MACROD2: variants seen among roughly 807,000 people sequenced by gnomAD.
The protein encoded by MACROD2 is ADP-ribose glycohydrolase MACROD2.
MACROD2 carries 36 observed loss-of-function variants against 70.4 expected under a neutral mutation model. The observed-to-expected ratio is 0.51, with a 90% CI of 0.39 to 0.68. The LOEUF (loss-of-function observed/expected upper bound fraction) is 0.68, where lower values mean the gene tolerates loss of function less well. MACROD2 is among the 30% of genes least tolerant of loss of function. MACROD2 has a pLI of 0.00. For synonymous variants in MACROD2, 172 were observed against 178.8 expected, an observed-to-expected ratio of 0.96 and a Z score of 0.30; for missense variants, 496 against 538.4, an observed-to-expected ratio of 0.92 and a Z score of 0.78.
At position 15,452,853 on chromosome 20, in the gene MACROD2, A is replaced by G. The variant is rs576829102; in HGVS notation, c.571+21418A>G. 2.6e-5 allele frequency among the ~76,000 whole-genome samples: 4 copies of G among 152,328 alleles called. No homozygotes were observed. In the South Asian group the frequency reaches 6.2e-4, roughly 24 times the overall value. ...TCTCCCAGACAACTGAGTATAAAGA[A>G]GTATAATTAAAATGTTGGCTTTCAT... On this transcript the variant is annotated intron_variant, in intron 7 of 17. Transcript: ENST00000684519.
At chr20:15,846,225 G>A (rs2064229345) in intron 8 of MACROD2, among the ~76,000 whole-genome samples, 1 of 152,184 alleles carries the variant, frequency 6.6e-6, no homozygotes, top group South Asian at 2.1e-4. Flanking sequence ...TATCCTCCAT[G>A]AACTGGAGTG....
chr20:14,371,647 A>G (rs985144746), intron 3 of MACROD2, among the ~76,000 whole-genome samples: 3 of 152,166 alleles, frequency 2.0e-5, no homozygotes, highest in African/African-American at 4.8e-5. Flanking sequence ...AGCATTTACT[A>G]TATTAAAATT....
intron 3 of MACROD2, among the ~76,000 whole-genome samples, chr20:14,252,006 G>A (rs1348821465): frequency 6.6e-6 from 1 of 151,974 alleles, no homozygotes; most frequent in Admixed American, 6.6e-5. Context: ...AATAATATCT[G>A]TAAATAAAAG....
chr20:14,478,759 G>T (rs2084627387), intron 3 of MACROD2, among the ~76,000 whole-genome samples: 1 of 152,130 alleles, frequency 6.6e-6, no homozygotes, highest in Non-Finnish European at 1.5e-5. Flanking sequence ...TAGTAACTCT[G>T]TTAGGTTTAC....
intron 5 of MACROD2, among the ~76,000 whole-genome samples, chr20:15,166,865 T>TATTAAATTTAATAAAATATTAAATTATTA (rs1601166764): frequency 6.6e-6 from 1 of 151,124 alleles, no homozygotes; most frequent in East Asian, 1.9e-4. Flanking sequence ...TTATTAAATT[T>TATTAAATTTAATAAAATATTAAATTATTA]AAGTATTAAC....
chr20:14,092,243 T>A (rs901696203), intron 3 of MACROD2, among the ~76,000 whole-genome samples: 1 of 152,220 alleles, frequency 6.6e-6, no homozygotes, highest in Admixed American at 6.5e-5. Context: ...TTAATTTGTG[T>A]TTCCCCAAAG....
intron 5 of MACROD2, among the ~76,000 whole-genome samples, chr20:14,985,207 A>G (rs2074837824): frequency 6.6e-6 from 1 of 152,160 alleles, no homozygotes; most frequent in Non-Finnish European, 1.5e-5. Flanking sequence ...ATGACACTTC[A>G]CTCAATTGCA....
intron 2 of MACROD2, among the ~76,000 whole-genome samples, chr20:14,013,319 C>T (rs1438004270): frequency 6.8e-6 from 1 of 148,140 alleles, no homozygotes; most frequent in African/African-American, 2.5e-5. Flanking sequence ...GTCGCCCAGG[C>T]TGGAGTGCAG....
intron 5 of MACROD2, among the ~76,000 whole-genome samples, chr20:14,869,737 CT>C (rs2073467018): frequency 6.6e-6 from 1 of 152,114 alleles, no homozygotes; most frequent in Non-Finnish European, 1.5e-5. Flanking sequence ...AAAGTAGTAT[CT>C]GCCATTTGCA....
At chr20:14,908,478 T>C (rs1043613449) in intron 5 of MACROD2, among the ~76,000 whole-genome samples, 3 of 152,052 alleles carry the variant, frequency 2.0e-5, no homozygotes, top group Admixed American at 2.0e-4. Flanking sequence ...AACGTGACAA[T>C]TCCCTGTCTC....
chr20:14,699,411 A>G (rs1045421142), intron 5 of MACROD2, among the ~76,000 whole-genome samples: 2 of 152,186 alleles, frequency 1.3e-5, no homozygotes, highest in South Asian at 4.1e-4. Context: ...GAAATAATAA[A>G]GCTTTACAAC....
chr20:14,997,332 G>T (rs997801525), intron 5 of MACROD2, among the ~76,000 whole-genome samples: 10 of 152,120 alleles, frequency 6.6e-5, no homozygotes, highest in African/African-American at 1.9e-4. Flanking sequence ...TGCCTTGAAG[G>T]GGAAGTATCT....
chr20:15,884,451 G>A (rs2064796949), intron 9 of MACROD2, among the ~76,000 whole-genome samples: 3 of 152,112 alleles, frequency 2.0e-5, no homozygotes, highest in African/African-American at 7.2e-5. Context: ...TTGGAACCAG[G>A]TATCATTGGC....
intron 3 of MACROD2, among the ~76,000 whole-genome samples, chr20:14,313,971 T>C (rs2082590335): frequency 6.6e-6 from 1 of 152,214 alleles, no homozygotes; most frequent in South Asian, 2.1e-4. Context: ...AAAGTGATTC[T>C]AATACCAAGA....
At chr20:15,535,666 C>A (rs1214580692) in intron 8 of MACROD2, among the ~76,000 whole-genome samples, 1 of 152,116 alleles carries the variant, frequency 6.6e-6, no homozygotes, top group African/African-American at 2.4e-5. Context: ...TGGAAGTGAA[C>A]AACCAAGGCA....
intron 6 of MACROD2, among the ~76,000 whole-genome samples, chr20:15,317,491 A>G (rs1408865025): frequency 7.6e-6 from 1 of 132,092 alleles, no homozygotes; most frequent in East Asian, 2.1e-4. Context: ...TAATCTATCT[A>G]TCTATCTATC....
Position 14,930,829 on chromosome 20 carries a change from G to T in MACROD2, c.418+245870G>T, listed in dbSNP as rs1449285159. On this transcript the variant is annotated intron_variant, in intron 5 of 17. Coordinates refer to ENST00000684519, the MANE Select transcript of MACROD2 (RefSeq NM_001351661.2). The stretch of plus-strand genomic sequence containing the variant: ...TCCCATGTTTTCATTCATTTTTTAA[G>T]TAATTTTTTTTTAATTATGGCAATT... Among the ~76,000 whole-genome samples, 11 of 111,824 alleles carry T rather than the reference G, an allele frequency of 9.8e-5. No individual in the cohort carries two copies. In the South Asian group the frequency reaches 1.3e-3, roughly 13 times the overall value. 73.4% of individuals were successfully genotyped at this position (111,824 alleles called of 152,430 possible).
At chr20:15,768,362 G>A (rs1438006037) in intron 8 of MACROD2, among the ~76,000 whole-genome samples, 1 of 152,142 alleles carries the variant, frequency 6.6e-6, no homozygotes, top group Non-Finnish European at 1.5e-5. Flanking sequence ...GTAGGCAACT[G>A]TAGTGCAATG....
At chr20:15,811,634 C>CT (rs1052770115) in intron 8 of MACROD2, among the ~76,000 whole-genome samples, 1,549 of 149,818 alleles carry the variant, frequency 0.01, 34 homozygotes, top group African/African-American at 0.036. Context: ...TTTATTTGAT[C>CT]TTTTTTTTTT....
Sources: gnomAD v4.1 joint callset for allele counts (sites outside exome capture counted in the v4.1 genomes callset) on GRCh38, gnomAD v4.1.1 for gene constraint, MANE v1.5 for transcripts, NCBI Gene and HGNC (gene_info 2026-07-23, HGNC 2026-07-21) for gene names.